AGAP1: variants seen among roughly 807,000 people sequenced by gnomAD.
The protein encoded by AGAP1 is ArfGAP with GTPase domain, ankyrin repeat and PH domain 1.
A neutral mutation model predicts 105.3 loss-of-function variants in AGAP1; 29 were observed. The ratio of observed to expected loss-of-function variants is 0.28; its 90% CI spans 0.21 to 0.38. AGAP1 has a LOEUF of 0.38. Among genes scored for constraint, AGAP1 ranks in the 10% least tolerant of loss-of-function variants. AGAP1 has a pLI of 1.00. For missense variants in AGAP1, 998 were observed against 1,165.1 expected, an observed-to-expected ratio of 0.86 and a Z score of 2.09; for synonymous variants, 509 against 485.9, an observed-to-expected ratio of 1.05 and a Z score of -0.63.
In AGAP1 at chr2:235,964,565, T is replaced by C. The variant is rs2054312917; in HGVS notation, c.1484-3897T>C. Among the ~76,000 whole-genome samples, 1 of 152,196 alleles carries C rather than the reference T, an allele frequency of 6.6e-6. No homozygotes were observed. On this transcript the variant is annotated intron_variant, in intron 12 of 17. Coordinates refer to ENST00000304032, the MANE Select transcript of AGAP1 (RefSeq NM_001037131.3). The surrounding 1 kb of genome is among the most constrained non-coding windows in gnomAD (Gnocchi z 4.6). ...TGAATAACACAGAGAAGGGTTGCTT[T>C]AGAATCAGGTAATGATCTTGGGGTC...
chr2:235,548,956 A>T (rs982869663), intron 1 of AGAP1, among the ~76,000 whole-genome samples: 2 of 152,184 alleles, frequency 1.3e-5, no homozygotes, highest in African/African-American at 4.8e-5. Flanking sequence ...TCCTTACAGA[A>T]AAAGCATCTG....
At chr2:235,782,230 A>G (rs970459371) in intron 6 of AGAP1, among the ~76,000 whole-genome samples, 12 of 151,420 alleles carry the variant, frequency 7.9e-5, no homozygotes, top group Middle Eastern at 3.2e-3. Context: ...AACTTTGGCT[A>G]CTATATAGTA....
At chr2:236,099,699 G>A (rs180753533) in intron 16 of AGAP1, among the ~76,000 whole-genome samples, 21 of 152,080 alleles carry the variant, frequency 1.4e-4, no homozygotes, top group African/African-American at 4.8e-4. Flanking sequence ...AAAGCAGCTG[G>A]GCTCTCCAGG....
chr2:235,874,998 G>A lies in AGAP1; in HGVS notation c.1051-8347G>A, dbSNP rs1347013439. Among the ~76,000 whole-genome samples the A allele has an allele frequency of 2.6e-5, 4 of 152,090 alleles. No individual in the cohort carries two copies. Among genetic ancestry groups the A allele is most frequent in the African/African-American group, 9.7e-5 (4 of 41,414 alleles). ...CTAGAAACAGCTCTCCCAAACGTGG[G>A]CAAAAAAAGAAACTAGAACTGGTTG... is the stretch of plus-strand genomic sequence containing the variant. On this transcript the variant is annotated intron_variant, in intron 9 of 17. Coordinates refer to ENST00000304032, the MANE Select transcript of AGAP1 (RefSeq NM_001037131.3). The surrounding 1 kb of genome is among the most constrained non-coding windows in gnomAD (Gnocchi z 4.5).
chr2:235,524,556 C>T (rs1000175976), intron 1 of AGAP1: 1 of 217,818 alleles, frequency 4.6e-6, no homozygotes, highest in Non-Finnish European at 1.1e-5. Context: ...ATAACCCCCA[C>T]CCCACTACTG....
Position 236,120,296 on chromosome 2 carries a change from C to T in AGAP1, c.2219C>T (p.Thr740Ile), listed in dbSNP as rs1190549970. 2 of 1,612,834 alleles carry T rather than the reference C, an allele frequency of 1.2e-6. No homozygotes were observed. Among genetic ancestry groups the T allele is most frequent in the African/African-American group, 1.3e-5 (1 of 74,898 alleles). ...CTGGGCCAGCACCTGCTGCGGGCCA[C>T]CGCCGACGAGGACCTGCGGACGGCC... is the stretch of plus-strand genomic sequence containing the variant. ...LSLGQHLLRA[T>I]ADEDLRTAIL... The change falls in exon 17 of 18, where the codon ACC (threonine) becomes ATC (isoleucine). Residue 740 changes from threonine (T) to isoleucine (I), a missense_variant. Physicochemically the swap from Thr to Ile is moderately conservative, Grantham distance 89. Transcript: ENST00000304032. The surrounding 1 kb of genome is among the most constrained non-coding windows in gnomAD (Gnocchi z 6.0).
intron 2 of AGAP1, 39 bp downstream of exon 2, chr2:235,709,276 G>C: frequency 1.2e-6 from 2 of 1,604,512 alleles, no homozygotes; most frequent in Non-Finnish European, 1.7e-6. Flanking sequence ...TGTGGGAAGG[G>C]AGGGGCTCTG....
chr2:235,783,000 C>T (rs529553373), intron 6 of AGAP1, among the ~76,000 whole-genome samples: 46 of 149,912 alleles, frequency 3.1e-4, no homozygotes, highest in African/African-American at 1.1e-3. Context: ...ACCTTTTAGA[C>T]TACTTTGTGA....
chr2:236,108,204 C>A (rs576293367), intron 16 of AGAP1, among the ~76,000 whole-genome samples: 9 of 152,354 alleles, frequency 5.9e-5, no homozygotes, highest in African/African-American at 2.2e-4. Context: ...TGTCAGCGCC[C>A]GCTCGCAGTG....
At chr2:235,524,868 C>T (rs976429612) in intron 1 of AGAP1, among the ~76,000 whole-genome samples, 2 of 152,188 alleles carry the variant, frequency 1.3e-5, no homozygotes, top group Non-Finnish European at 2.9e-5. Flanking sequence ...TTGGATATTG[C>T]TCACCAGCTA....
Position 235,578,061 on chromosome 2 carries a change from T to C in AGAP1, c.163+83212T>C, listed in dbSNP as rs1306277533. ...GAGGAGCTGGGTACCACTGTTATCCTGCCTGCTGGTCTGAGGGTCCGAGCG... is the reference window on the plus strand; with the variant it reads ...GAGGAGCTGGGTACCACTGTTATCCCGCCTGCTGGTCTGAGGGTCCGAGCG... On this transcript the variant is annotated intron_variant, in intron 1 of 17. Coordinates refer to ENST00000304032, the MANE Select transcript of AGAP1 (RefSeq NM_001037131.3). This position sits in a 1 kb window ranked among gnomAD's most constrained non-coding sequence, Gnocchi z 4.9. Among the ~76,000 whole-genome samples, 2 of 152,106 alleles carry C rather than the reference T, an allele frequency of 1.3e-5. No individual in the cohort carries two copies. Among genetic ancestry groups the C allele is most frequent in the African/African-American group, 4.8e-5 (2 of 41,434 alleles).
rs1443847215 is a variant in AGAP1 at position 235,877,379 on chromosome 2, C to T, written c.1051-5966C>T. ...TTGCTGAAACAAAATGACGGCCATCCGTGCCAGGGGTTAGGGATGACGGTT... is the reference window on the plus strand; with the variant it reads ...TTGCTGAAACAAAATGACGGCCATCTGTGCCAGGGGTTAGGGATGACGGTT... On this transcript the variant is annotated intron_variant, in intron 9 of 17. Transcript: ENST00000304032. The surrounding 1 kb of genome is among the most constrained non-coding windows in gnomAD (Gnocchi z 4.3). Among the ~76,000 whole-genome samples, 3 of 152,118 alleles carry T rather than the reference C, an allele frequency of 2.0e-5. No individual in the cohort carries two copies. Among genetic ancestry groups the T allele is most frequent in the East Asian group, 3.9e-4 (2 of 5,190 alleles).
At chr2:235,602,889 A>G (rs1314152882) in intron 1 of AGAP1, among the ~76,000 whole-genome samples, 2 of 152,008 alleles carry the variant, frequency 1.3e-5, no homozygotes, top group Non-Finnish European at 2.9e-5. Flanking sequence ...TTTAGTAGAG[A>G]AGGGGTTTTA....
chr2:236,054,422 A>G (rs897673745), intron 16 of AGAP1, among the ~76,000 whole-genome samples: 9 of 148,748 alleles, frequency 6.1e-5, no homozygotes, highest in Admixed American at 4.1e-4. Context: ...GCTGAGGTCA[A>G]TGTTTTGTCT....
chr2:235,833,855 G>GTT lies in AGAP1; in HGVS notation c.1050+26542_1050+26543dup, dbSNP rs77488721. Among the ~76,000 whole-genome samples, 530 of 124,866 alleles carry GTT rather than the reference G, an allele frequency of 4.2e-3. 6 individuals are homozygous for GTT. Among genetic ancestry groups the GTT allele is most frequent in the East Asian group, 0.035 (156 of 4,486 alleles). The allele number at this position is 124,866 out of a possible 152,430, so 81.9% of individuals were successfully genotyped here. On this transcript the variant is annotated intron_variant, in intron 9 of 17. Coordinates refer to ENST00000304032, the MANE Select transcript of AGAP1 (RefSeq NM_001037131.3). ...CATCTCACTCCAATCCTCCAATCTG[G>GTT]TTTTTTTTTTTTTTTTTTTAAAGCT...
chr2:236,052,891 ACC>A (rs2057946150), intron 16 of AGAP1, among the ~76,000 whole-genome samples: 1 of 152,192 alleles, frequency 6.6e-6, no homozygotes, highest in African/African-American at 2.4e-5. Flanking sequence ...TGCTATTGAT[ACC>A]ATTTAAGCAC....
intron 6 of AGAP1, among the ~76,000 whole-genome samples, chr2:235,783,987 C>T (rs769733376): frequency 4.6e-5 from 7 of 151,846 alleles, no homozygotes; most frequent in South Asian, 2.1e-4. Context: ...GACGGATGGA[C>T]GGACGGATGG....
intron 1 of AGAP1, among the ~76,000 whole-genome samples, chr2:235,607,134 G>A (rs1477634293): frequency 2.0e-5 from 3 of 152,074 alleles, no homozygotes; most frequent in African/African-American, 7.2e-5. Flanking sequence ...TCCCGGATTC[G>A]TTAAGGGGCA....
In AGAP1 at chr2:235,979,448, G is replaced by A. The variant is rs2054997255; in HGVS notation, c.1645+10825G>A. ...TGACTCGCGCTCATTTTATCAAGATGTATTAATGCTTTGGAGAAGGTGTAG... is the reference window on the plus strand; with the variant it reads ...TGACTCGCGCTCATTTTATCAAGATATATTAATGCTTTGGAGAAGGTGTAG... On this transcript the variant is annotated intron_variant, in intron 13 of 17. Transcript: ENST00000304032. The surrounding 1 kb of genome is among the most constrained non-coding windows in gnomAD (Gnocchi z 4.5). Among the ~76,000 whole-genome samples, 1 of 152,154 alleles carries A rather than the reference G, an allele frequency of 6.6e-6. No individual in the cohort carries two copies. Among genetic ancestry groups the A allele is most frequent in the African/African-American group, 2.4e-5 (1 of 41,426 alleles).
Sources: allele counts gnomAD v4.1 joint callset (sites outside exome capture counted in the v4.1 genomes callset), GRCh38; gene constraint gnomAD v4.1.1; non-coding constraint Gnocchi (gnomAD v3.1); transcripts MANE v1.5; gene names NCBI Gene and HGNC (gene_info 2026-07-23, HGNC 2026-07-21).